ING3: variants seen among roughly 807,000 people sequenced by gnomAD.
The protein encoded by ING3 is inhibitor of growth protein 3.
ING3 carries 6 observed loss-of-function variants against 64.8 expected under a neutral mutation model. The observed-to-expected ratio is 0.09, with a 90% CI of 0.05 to 0.18. ING3 has a LOEUF of 0.18. Among genes scored for constraint, ING3 ranks in the 10% least tolerant of loss-of-function variants. The probability of loss-of-function intolerance (pLI) is 1.00; values close to 1 mark genes in which losing one functional copy is unlikely to be tolerated. For missense variants in ING3, 310 were observed against 489.7 expected, an observed-to-expected ratio of 0.63 and a Z score of 3.46; for synonymous variants, 170 against 173.7, an observed-to-expected ratio of 0.98 and a Z score of 0.17.
chr7:120,962,468 A>G (rs1795945818), intron 4 of ING3, among the ~76,000 whole-genome samples: 2 of 151,366 alleles, frequency 1.3e-5, no homozygotes. Context: ...TCTTGTCATT[A>G]TTTTTAACAT....
Position 120,971,627 on chromosome 7 carries a change from A to G in ING3, c.1101+747A>G, listed in dbSNP as rs527290158. Among the ~76,000 whole-genome samples, 30 of 152,146 alleles carry G rather than the reference A, an allele frequency of 2.0e-4. No individual in the cohort carries two copies. The East Asian group carries it at 5.8e-3, about 29-fold the overall frequency. On this transcript the variant is annotated intron_variant, in intron 10 of 11. Coordinates refer to ENST00000315870, the MANE Select transcript of ING3 (RefSeq NM_019071.3). ...GAACATGATTTTTCTTTAAGATCAT[A>G]TTTTTAATTTTCACATAGTTATCTC... is the stretch of plus-strand genomic sequence containing the variant.
chr7:120,955,852 C>T (rs1258285161), intron 4 of ING3: 4 of 572,486 alleles, frequency 7.0e-6, no homozygotes, highest in East Asian at 5.8e-5. Context: ...GTCTATACGG[C>T]GGTAAGGTGG....
chr7:120,964,401 G>A (rs1213849485), intron 4 of ING3, among the ~76,000 whole-genome samples: 1 of 152,106 alleles, frequency 6.6e-6, no homozygotes, highest in African/African-American at 2.4e-5. Context: ...ATTATGAAAA[G>A]TGACCAGCCT....
At chr7:120,973,483 A>ATG (rs1459387297) in intron 11 of ING3, among the ~76,000 whole-genome samples, 1 of 151,900 alleles carries the variant, frequency 6.6e-6, no homozygotes, top group Admixed American at 6.6e-5. Flanking sequence ...CAGAAGTGTT[A>ATG]TGTTGTATGA....
intron 4 of ING3, chr7:120,955,978 T>C: frequency 1.7e-6 from 1 of 590,618 alleles, no homozygotes; most frequent in Non-Finnish European, 3.0e-6. Context: ...AGATTGTTTC[T>C]GTGGTAAAAT....
chr7:120,951,679 C>G (rs146106539), intron 2 of ING3, among the ~76,000 whole-genome samples: 6 of 152,298 alleles, frequency 3.9e-5, no homozygotes, highest in African/African-American at 1.4e-4. Flanking sequence ...ATATATAGCT[C>G]TTTAGAGACC....
At chr7:120,951,088 T>C (rs553727631) in intron 1 of ING3, 76 bp from the exon 2 acceptor site, 7 of 1,563,398 alleles carry the variant, frequency 4.5e-6, no homozygotes, top group South Asian at 3.3e-5. Flanking sequence ...TCGACCCCCC[T>C]GACGCACGCG....
intron 4 of ING3, chr7:120,956,121 A>T: frequency 7.2e-7 from 1 of 1,396,044 alleles, no homozygotes; most frequent in African/African-American, 1.4e-5. Flanking sequence ...TTTAAGCAAT[A>T]CAAGATGACA....
In ING3 at chr7:120,968,074, G is replaced by A; in HGVS notation, c.697G>A (p.Val233Ile). ...GAITMAAAQA[V>I]QATAQMKEGR... ...AATTACCATGGCAGCTGCTCAAGCA[G>A]TTCAGGCTACAGCTCAGGTAAAAAG... The change falls in exon 8 of 12, where the codon GTT (valine) becomes ATT (isoleucine). Residue 233 changes from valine (V) to isoleucine (I), a missense_variant. Transcript: ENST00000315870. 6.2e-7 allele frequency: 1 copy of A among 1,614,066 alleles called. No homozygotes were observed. Among genetic ancestry groups the A allele is most frequent in the Non-Finnish European group, 8.5e-7 (1 of 1,179,988 alleles).
At chr7:120,973,563 C>T (rs1001612719) in intron 11 of ING3, among the ~76,000 whole-genome samples, 2 of 152,120 alleles carry the variant, frequency 1.3e-5, no homozygotes, top group African/African-American at 2.4e-5. Context: ...TCATTTATCA[C>T]ATTGAAGAAA....
At chr7:120,959,730 C>G (rs142014537) in intron 4 of ING3, among the ~76,000 whole-genome samples, 2,613 of 147,090 alleles carry the variant, frequency 0.018, 63 homozygotes, top group African/African-American at 0.063. Context: ...ACTGCAAGCT[C>G]CGCCTCTTGG....
chr7:120,955,181 G>A (rs1795826948), intron 3 of ING3, among the ~76,000 whole-genome samples: 1 of 152,158 alleles, frequency 6.6e-6, no homozygotes, highest in African/African-American at 2.4e-5. Context: ...CCAAGCTGGA[G>A]TGCAGTGGCC....
At position 120,955,573 on chromosome 7, in the gene ING3, T is replaced by G. The variant is rs1367206909; in HGVS notation, c.216T>G (p.Ala72=). The change falls in exon 4 of 12, where the codon GCT becomes GCG. Residue 72 remains alanine (A), a synonymous_variant. Transcript: ENST00000315870. ...MASIKKDYYK[A]LEDADEKVQL... is the part of the protein sequence containing the mutation. ...TTTTCATTCAGGACTACTATAAAGCTTTGGAAGATGCAGATGAGAAGGTTC... is the reference window on the plus strand; with the variant it reads ...TTTTCATTCAGGACTACTATAAAGCGTTGGAAGATGCAGATGAGAAGGTTC... The G allele has an allele frequency of 1.2e-6, 2 of 1,610,388 alleles. No individual in the cohort carries two copies.
At chr7:120,951,100 GCA>G in intron 1 of ING3, 62 bp from the exon 2 acceptor site, 1 of 1,571,344 alleles carries the variant, frequency 6.4e-7, no homozygotes, top group Non-Finnish European at 8.8e-7. Context: ...ACGCACGCGC[GCA>G]GTGACGTAAG....
intron 4 of ING3, among the ~76,000 whole-genome samples, chr7:120,964,291 G>A (rs1199423787): frequency 1.3e-5 from 2 of 152,110 alleles, no homozygotes; most frequent in South Asian, 4.1e-4. Context: ...TGTAGACTGA[G>A]GATCTTTCAT....
In ING3 at chr7:120,964,808, A is replaced by C; in HGVS notation, c.334A>C (p.Asn112His). 6.2e-7 allele frequency: 1 copy of C among 1,613,502 alleles called. No individual in the cohort carries two copies. Among genetic ancestry groups the C allele is most frequent in the Non-Finnish European group, 8.5e-7 (1 of 1,179,590 alleles). Residue 112 changes from asparagine (N) to histidine (H), a missense_variant, in exon 5 of 12, where the codon AAT becomes CAT. This residue lies in a region of ING3 where 233 missense variants were observed against 289.4 expected (regional missense o/e 0.81). Coordinates refer to ENST00000315870, the MANE Select transcript of ING3 (RefSeq NM_019071.3). ...GTTTAAAATGGAGCTGGAAGCTGAT[A>C]ATGCTGGAATTACAGAAATATTAGA... The part of the protein sequence containing the change: ...AKFKMELEAD[N>H]AGITEILERR...
rs1158085723 is a variant in ING3 at position 120,976,946 on chromosome 7, A to G, written c.*2102A>G. ...CATATATAATGGGGCCAAACATGGA[A>G]CTACCTCATCAACCCCCCAAAAATG... On this transcript the variant is annotated 3_prime_UTR_variant, in exon 12 of 12. Transcript: ENST00000315870. 2 of 152,212 alleles carry G rather than the reference A, an allele frequency of 1.3e-5. No individual in the cohort carries two copies. The highest frequency in any genetic ancestry group is 1.3e-4 in the Admixed American group (2 of 15,288). 9.4% of individuals were successfully genotyped at this position (152,212 alleles called of 1,614,324 possible). A position where few individuals can be genotyped will look rare whatever the true frequency, so the allele number is the denominator to read the frequency against.
chr7:120,958,791 G>C (rs946132188), intron 4 of ING3, among the ~76,000 whole-genome samples: 1 of 152,246 alleles, frequency 6.6e-6, no homozygotes, highest in African/African-American at 2.4e-5. Context: ...AAAGAACTCA[G>C]GCAATCTAAT....
At chr7:120,961,025 T>C (rs1795926868) in intron 4 of ING3, among the ~76,000 whole-genome samples, 1 of 152,160 alleles carries the variant, frequency 6.6e-6, no homozygotes, top group African/African-American at 2.4e-5. Flanking sequence ...GGCCTGTTCC[T>C]GAGATGGTTA....
Sources: gnomAD v4.1 joint callset for allele counts (sites outside exome capture counted in the v4.1 genomes callset) on GRCh38, gnomAD v4.1.1 for gene constraint, gnomAD v4.1.1 regional missense constraint, MANE v1.5 for transcripts, NCBI Gene and HGNC (gene_info 2026-07-23, HGNC 2026-07-21) for gene names.